Variants in INTS14 observed in about 807,000 individuals in gnomAD.
INTS14 encodes the protein UPF0464 protein C15orf44.
A neutral mutation model predicts 56.9 loss-of-function variants in INTS14; 27 were observed. That is an observed-to-expected ratio of 0.47 (90% confidence interval 0.35 to 0.65). The LOEUF (loss-of-function observed/expected upper bound fraction) is 0.65, where lower values mean the gene tolerates loss of function less well. Among genes scored for constraint, INTS14 ranks in the 30% least tolerant of loss-of-function variants. The pLI is 0.00. For missense variants in INTS14, 517 were observed against 632.2 expected (o/e 0.82, Z 1.95); for synonymous variants, 207 against 236.2 (o/e 0.88, Z 1.13).
chr15:65,598,635 A>C, intron 5 of INTS14, 172 bp from the exon 6 acceptor site: 2 of 800,000 alleles, frequency 2.5e-6, no homozygotes. Flanking sequence ...AATTCTGAAA[A>C]GCCCAAGAGC....
intron 7 of INTS14, 24 bp downstream of exon 7, chr15:65,595,709 C>G: frequency 6.5e-7 from 1 of 1,549,964 alleles, no homozygotes. Flanking sequence ...ACGCTTCAGA[C>G]GTATCAGTGG....
At chr15:65,608,860 C>G (rs560081919) in intron 1 of INTS14, among the ~76,000 whole-genome samples, 69 of 152,096 alleles carry the variant, frequency 4.5e-4, no homozygotes, top group Non-Finnish European at 8.4e-4. Flanking sequence ...AGGATGGTGC[C>G]CAGCTGCAAA....
chr15:65,592,619 T>C (rs2073068634), intron 8 of INTS14, among the ~76,000 whole-genome samples: 2 of 152,196 alleles, frequency 1.3e-5, no homozygotes, highest in East Asian at 1.9e-4. Context: ...TCCTCATCTA[T>C]AGATAGGGAT....
intron 7 of INTS14, among the ~76,000 whole-genome samples, chr15:65,595,268 A>C (rs1332733327): frequency 6.6e-6 from 1 of 152,208 alleles, no homozygotes; most frequent in Non-Finnish European, 1.5e-5. Flanking sequence ...AGGAGGACCC[A>C]CAAGGGCCTG....
chr15:65,597,462 TCTC>T (rs1181595143), intron 6 of INTS14, among the ~76,000 whole-genome samples: 2 of 152,204 alleles, frequency 1.3e-5, no homozygotes, highest in Admixed American at 6.5e-5. Flanking sequence ...AGGAAGCAAG[TCTC>T]CTCTCCACTG....
At chr15:65,600,248 C>T (rs1422040635) in intron 3 of INTS14, among the ~76,000 whole-genome samples, 4 of 151,806 alleles carry the variant, frequency 2.6e-5, no homozygotes, top group Non-Finnish European at 4.4e-5. Context: ...GAGGTCAAGG[C>T]TGCAGTGAGC....
chr15:65,580,647 A>G (rs2072569738), intron 11 of INTS14, among the ~76,000 whole-genome samples: 1 of 152,246 alleles, frequency 6.6e-6, no homozygotes. Flanking sequence ...ACAAAGTAGC[A>G]TGTATCTTCT....
intron 9 of INTS14, among the ~76,000 whole-genome samples, chr15:65,586,200 A>G (rs1365036273): frequency 6.6e-6 from 1 of 152,242 alleles, no homozygotes; most frequent in Non-Finnish European, 1.5e-5. Context: ...AGAATAAAGA[A>G]TATTTATTAA....
At position 65,579,039 on chromosome 15, in the gene INTS14, A is replaced by G. The variant is rs971470225; in HGVS notation, c.*369T>C. 5.4e-6 allele frequency: 1 copy of G among 183,724 alleles called. No homozygotes were observed. The highest frequency in any genetic ancestry group is 2.4e-5 in the African/African-American group (1 of 42,196). The allele number at this position is 183,724 out of a possible 1,614,324, so 11.4% of individuals were successfully genotyped here. A position where few individuals can be genotyped will look rare whatever the true frequency, so the allele number is the denominator to read the frequency against. ...TTGAAAATGCCCTTACAGTTGAGATATAAACGAGGGAAGAGGTGAAGCTTT... is the reference window on the plus strand; with the variant it reads ...TTGAAAATGCCCTTACAGTTGAGATGTAAACGAGGGAAGAGGTGAAGCTTT... On this transcript the variant is annotated 3_prime_UTR_variant, in exon 12 of 12. Coordinates refer to ENST00000313182, the MANE Select transcript of INTS14 (RefSeq NM_001394796.1).
intron 9 of INTS14, among the ~76,000 whole-genome samples, chr15:65,590,398 C>T (rs1437615515): frequency 2.0e-5 from 3 of 152,222 alleles, no homozygotes; most frequent in Non-Finnish European, 4.4e-5. Flanking sequence ...TTCCCAGTAT[C>T]TGCAAGATAA....
intron 3 of INTS14, among the ~76,000 whole-genome samples, chr15:65,600,880 G>T (rs1281511858): frequency 6.6e-6 from 1 of 152,012 alleles, no homozygotes; most frequent in Non-Finnish European, 1.5e-5. Flanking sequence ...CTTAAAAAAG[G>T]ACAAAAACAT....
chr15:65,579,865 TAAGG>T (rs1333860864), intron 11 of INTS14, among the ~76,000 whole-genome samples: 1 of 152,204 alleles, frequency 6.6e-6, no homozygotes, highest in Non-Finnish European at 1.5e-5. Flanking sequence ...AGAAGCAGGC[TAAGG>T]AAGACAGCTG....
At chr15:65,582,434 C>T (rs2072659730) in intron 10 of INTS14, among the ~76,000 whole-genome samples, 1 of 152,042 alleles carries the variant, frequency 6.6e-6, no homozygotes, top group Admixed American at 6.6e-5. Flanking sequence ...GGATCAGAGA[C>T]CTACATGTAA....
intron 2 of INTS14, among the ~76,000 whole-genome samples, chr15:65,606,441 G>A (rs1355869913): frequency 6.7e-6 from 1 of 150,374 alleles, no homozygotes; most frequent in African/African-American, 2.5e-5. Flanking sequence ...TAAAAATAGA[G>A]ACGGGATCTT....
intron 10 of INTS14, among the ~76,000 whole-genome samples, chr15:65,584,199 T>G (rs1416024526): frequency 3.9e-5 from 6 of 152,234 alleles, no homozygotes; most frequent in Admixed American, 2.0e-4. Flanking sequence ...GCATCATTCC[T>G]TGATAATCAT....
Position 65,599,827 on chromosome 15 carries a change from G to T in INTS14, c.433C>A (p.Pro145Thr). ...QRSESNRFPL[P>T]FPFPSKLYIM... ...TATAACTTAGATGGGAAAGGAAAAG[G>T]TAGTGGAAACCTGTTGCTCTCACTT... Residue 145 changes from proline (P) to threonine (T), a missense_variant, in exon 4 of 12, where the codon CCT becomes ACT. Coordinates refer to ENST00000313182, the MANE Select transcript of INTS14 (RefSeq NM_001394796.1). 1 of 1,614,194 alleles carries T rather than the reference G, an allele frequency of 6.2e-7. No individual in the cohort carries two copies. The highest frequency in any genetic ancestry group is 8.5e-7 in the Non-Finnish European group (1 of 1,180,034).
chr15:65,592,908 A>C (rs952341722), intron 8 of INTS14, among the ~76,000 whole-genome samples: 7 of 152,100 alleles, frequency 4.6e-5, no homozygotes, highest in Non-Finnish European at 7.4e-5. Context: ...AGGCAACGTA[A>C]TTAAAAGGCT....
chr15:65,587,761 C>G (rs2072879957), intron 9 of INTS14, among the ~76,000 whole-genome samples: 1 of 152,052 alleles, frequency 6.6e-6, no homozygotes, highest in Non-Finnish European at 1.5e-5. Flanking sequence ...TGGAGGATTG[C>G]TTTAGCCCAG....
At position 65,589,602 on chromosome 15, in the gene INTS14, T is replaced by G. The variant is rs145716717; in HGVS notation, c.1120+1996A>C. Among the ~76,000 whole-genome samples the G allele has an allele frequency of 3.1e-3, 469 of 152,356 alleles. 3 individuals carry two copies. The highest frequency in any genetic ancestry group is 0.011 in the African/African-American group (447 of 41,582). The stretch of plus-strand genomic sequence containing the variant: ...TTTTCCTCCCTAACAGCTGTAACTT[T>G]GTATCTGTTACCTCTGCCTATTCTC... On this transcript the variant is annotated intron_variant, in intron 9 of 11. Coordinates refer to ENST00000313182, the MANE Select transcript of INTS14 (RefSeq NM_001394796.1).
Sources: allele counts gnomAD v4.1 joint callset (sites outside exome capture counted in the v4.1 genomes callset), GRCh38; gene constraint gnomAD v4.1.1; transcripts MANE v1.5; gene names NCBI Gene and HGNC (gene_info 2026-07-23, HGNC 2026-07-21).